Variants in ENOX1 observed in about 807,000 individuals in gnomAD.
ENOX1 encodes ecto-NOX disulfide-thiol exchanger 1.
ENOX1 carries 42 observed loss-of-function variants against 82.5 expected under a neutral mutation model. That is an observed-to-expected ratio of 0.51 (90% CI 0.40 to 0.66). The LOEUF (loss-of-function observed/expected upper bound fraction) is 0.66. Ranked by LOEUF, ENOX1 falls within the 30% of genes least tolerant of loss-of-function variation. The pLI is 0.00. For synonymous variants in ENOX1, 271 were observed against 282.2 expected, an observed-to-expected ratio of 0.96 and a Z score of 0.40; for missense variants, 608 against 811.6, an observed-to-expected ratio of 0.75 and a Z score of 3.05.
chr13:43,583,049 G>A (rs2080823125), intron 2 of ENOX1, among the ~76,000 whole-genome samples: 1 of 151,932 alleles, frequency 6.6e-6, no homozygotes, highest in African/African-American at 2.4e-5. Context: ...TGGTTTCATA[G>A]CACAACTTGC....
At chr13:43,292,016 G>A (rs1383383349) in intron 12 of ENOX1, among the ~76,000 whole-genome samples, 1 of 152,028 alleles carries the variant, frequency 6.6e-6, no homozygotes, top group Non-Finnish European at 1.5e-5. Flanking sequence ...TCACAGAAAA[G>A]CAAACCAAGC....
intron 5 of ENOX1, among the ~76,000 whole-genome samples, chr13:43,394,137 C>G (rs1056151686): frequency 6.6e-6 from 1 of 152,186 alleles, no homozygotes; most frequent in Non-Finnish European, 1.5e-5. Flanking sequence ...TATAAACTGC[C>G]TAGTCTCAGG....
chr13:43,285,487 C>A (rs571436335), intron 12 of ENOX1, among the ~76,000 whole-genome samples: 13 of 151,982 alleles, frequency 8.6e-5, no homozygotes, highest in Admixed American at 7.2e-4. Flanking sequence ...AATGACAAAC[C>A]GAGACCCAGG....
intron 15 of ENOX1, among the ~76,000 whole-genome samples, chr13:43,234,952 T>A (rs959125877): frequency 6.6e-6 from 1 of 152,044 alleles, no homozygotes; most frequent in South Asian, 2.1e-4. Context: ...TAGAGACTGG[T>A]TCCCATTTTT....
chr13:43,747,666 C>T (rs551969586), intron 1 of ENOX1, among the ~76,000 whole-genome samples: 3 of 152,316 alleles, frequency 2.0e-5, no homozygotes, highest in East Asian at 3.9e-4. Flanking sequence ...GCAATGAAGG[C>T]GATTCCAGAT....
intron 3 of ENOX1, among the ~76,000 whole-genome samples, chr13:43,434,398 C>G (rs997957252): frequency 6.6e-6 from 1 of 152,164 alleles, no homozygotes; most frequent in Admixed American, 6.5e-5. Flanking sequence ...GCCTCCCACA[C>G]GCCAGTGCTC....
chr13:43,702,827 C>A (rs947080705), intron 1 of ENOX1, among the ~76,000 whole-genome samples: 2 of 151,728 alleles, frequency 1.3e-5, no homozygotes, highest in African/African-American at 2.4e-5. Context: ...GTGGCAGGTG[C>A]CTGTAATCCC....
intron 2 of ENOX1, among the ~76,000 whole-genome samples, chr13:43,582,700 A>C (rs2080801785): frequency 6.6e-6 from 1 of 152,082 alleles, no homozygotes; most frequent in African/African-American, 2.4e-5. Context: ...CAGCCTCCTA[A>C]GCAGCTGGAA....
chr13:43,303,195 C>T (rs2046678739), intron 11 of ENOX1, among the ~76,000 whole-genome samples: 1 of 152,216 alleles, frequency 6.6e-6, no homozygotes, highest in Non-Finnish European at 1.5e-5. Context: ...CCCCTGAACA[C>T]AGGAGGGCAG....
At chr13:43,392,128 AGAC>A (rs2052817914) in intron 5 of ENOX1, among the ~76,000 whole-genome samples, 1 of 152,174 alleles carries the variant, frequency 6.6e-6, no homozygotes. Context: ...GTCTCCACAA[AGAC>A]ACTGTTCGTG....
At chr13:43,551,775 C>T (rs566883505) in intron 2 of ENOX1, among the ~76,000 whole-genome samples, 290 of 152,280 alleles carry the variant, frequency 1.9e-3, no homozygotes, top group African/African-American at 6.7e-3. Flanking sequence ...TCAGCCAGTG[C>T]AGGAGAGGAT....
intron 15 of ENOX1, among the ~76,000 whole-genome samples, chr13:43,229,596 C>T (rs567636872): frequency 1.3e-5 from 2 of 152,286 alleles, no homozygotes; most frequent in South Asian, 2.1e-4. Flanking sequence ...TAAGCAGGTG[C>T]TTGACATGAT....
chr13:43,373,374 C>G (rs1258984671), intron 5 of ENOX1, among the ~76,000 whole-genome samples: 3 of 152,242 alleles, frequency 2.0e-5, no homozygotes, highest in African/African-American at 7.2e-5. Flanking sequence ...AGATATTTTT[C>G]ATGCCTGGAA....
chr13:43,608,382 G>A (rs1416927754), intron 2 of ENOX1, among the ~76,000 whole-genome samples: 2 of 152,176 alleles, frequency 1.3e-5, no homozygotes, highest in Non-Finnish European at 2.9e-5. Flanking sequence ...AGATGACTGA[G>A]ATCATTTCTT....
intron 2 of ENOX1, among the ~76,000 whole-genome samples, chr13:43,603,404 T>C (rs2081824602): frequency 6.6e-6 from 1 of 151,670 alleles, no homozygotes; most frequent in Non-Finnish European, 1.5e-5. Context: ...ATTATTATTA[T>C]ACTTTAAGTT....
intron 1 of ENOX1, among the ~76,000 whole-genome samples, chr13:43,726,283 C>T (rs540493917): frequency 7.0e-6 from 1 of 142,602 alleles, no homozygotes; most frequent in South Asian, 2.2e-4. Context: ...GTGGTGTGAT[C>T]TTGGCTCACT....
At chr13:43,358,920 G>A (rs2050319638) in intron 7 of ENOX1, among the ~76,000 whole-genome samples, 1 of 152,196 alleles carries the variant, frequency 6.6e-6, no homozygotes, top group Non-Finnish European at 1.5e-5. Context: ...GGGTTTTAAA[G>A]TTCTCCATAT....
chr13:43,723,735 T>C (rs541336184), intron 1 of ENOX1, among the ~76,000 whole-genome samples: 8 of 151,970 alleles, frequency 5.3e-5, no homozygotes, highest in Non-Finnish European at 4.4e-5. Flanking sequence ...TTCAAATTGG[T>C]GGTGGCATTT....
chr13:43,730,092 C>T (rs749934908), intron 1 of ENOX1, among the ~76,000 whole-genome samples: 27 of 152,218 alleles, frequency 1.8e-4, no homozygotes, highest in Admixed American at 5.9e-4. Context: ...TTCCCTCTCA[C>T]CCATGGGGGA....
Sources: allele counts gnomAD v4.1 joint callset (sites outside exome capture counted in the v4.1 genomes callset), GRCh38; gene constraint gnomAD v4.1.1; transcripts MANE v1.5; gene names NCBI Gene and HGNC (gene_info 2026-07-23, HGNC 2026-07-21).